The following STK32B variants were observed in gnomAD, a reference collection of about 807,000 sequenced individuals.
STK32B encodes serine/threonine kinase 32B, also known as serine/threonine-protein kinase 32B.
A neutral mutation model predicts 52.6 loss-of-function variants in STK32B; 43 were observed. The ratio of observed to expected loss-of-function variants is 0.82; its 90% CI spans 0.64 to 1.05. The LOEUF (loss-of-function observed/expected upper bound fraction) is 1.05, where lower values mean the gene tolerates loss of function less well. STK32B is among the 50% of genes least tolerant of loss of function. STK32B has a pLI of 0.00. For synonymous variants in STK32B, 238 were observed against 204.3 expected (o/e 1.17, Z -1.41); for missense variants, 621 against 534.6 (o/e 1.16, Z -1.59).
chr4:5,292,105 C>T (rs78584414), intron 3 of STK32B, among the ~76,000 whole-genome samples: 4,144 of 152,194 alleles, frequency 0.027, 176 homozygotes, highest in African/African-American at 0.093. Flanking sequence ...AATAAAAACA[C>T]GAGTGCAGCG....
At chr4:5,275,934 A>T (rs1727791492) in intron 3 of STK32B, among the ~76,000 whole-genome samples, 1 of 152,118 alleles carries the variant, frequency 6.6e-6, no homozygotes. Context: ...CTACTAGTAG[A>T]GACCCCAAGT....
chr4:5,122,461 A>G (rs13147772), intron 1 of STK32B, among the ~76,000 whole-genome samples: 29,665 of 151,736 alleles, frequency 0.2, 3,063 homozygotes, highest in East Asian at 0.28. Flanking sequence ...TTATCCATTC[A>G]GTTGTTAACT....
intron 6 of STK32B, among the ~76,000 whole-genome samples, chr4:5,441,660 T>C (rs1374181940): frequency 6.6e-6 from 1 of 152,166 alleles, no homozygotes; most frequent in Non-Finnish European, 1.5e-5. Context: ...TGAATGTGTT[T>C]GCTCTTGCTT....
intron 3 of STK32B, among the ~76,000 whole-genome samples, chr4:5,297,099 A>T (rs1435461187): frequency 6.6e-6 from 1 of 152,138 alleles, no homozygotes; most frequent in African/African-American, 2.4e-5. Flanking sequence ...AATGTTGAAT[A>T]TTGGCCCCAC....
At chr4:5,123,278 A>G (rs962474514) in intron 1 of STK32B, among the ~76,000 whole-genome samples, 1 of 151,690 alleles carries the variant, frequency 6.6e-6, no homozygotes, top group African/African-American at 2.4e-5. Context: ...CCATTTCTTC[A>G]CTGCCTGGAT....
chr4:5,181,956 T>C (rs534930310), intron 3 of STK32B, among the ~76,000 whole-genome samples: 1 of 152,104 alleles, frequency 6.6e-6, no homozygotes, highest in Non-Finnish European at 1.5e-5. Flanking sequence ...GTGGTAGAAC[T>C]TCTTTCAGAA....
At chr4:5,299,778 G>A (rs1481197652) in intron 3 of STK32B, among the ~76,000 whole-genome samples, 1 of 152,062 alleles carries the variant, frequency 6.6e-6, no homozygotes, top group Non-Finnish European at 1.5e-5. Flanking sequence ...ACCATGTTAT[G>A]AAATTGGATC....
rs191880629 is a variant in STK32B at position 5,368,111 on chromosome 4, T to C, written c.435-30096T>C. 2.0e-5 allele frequency among the ~76,000 whole-genome samples: 3 copies of C among 152,124 alleles called. No individual in the cohort carries two copies. In the East Asian group the frequency reaches 6.0e-4, roughly 30 times the overall value. On this transcript the variant is annotated intron_variant, in intron 4 of 11. Coordinates refer to ENST00000282908, the MANE Select transcript of STK32B (RefSeq NM_018401.3). ...AAAGAGGGGAGAGATGGAAAGGAAA[T>C]GGAAAGCAAAACCCATGTTCGTCCT...
At chr4:5,044,783 C>T in the STK32B span, among the ~76,000 whole-genome samples, 1 of 152,086 alleles carries the variant, frequency 6.6e-6, no homozygotes, top group Non-Finnish European at 1.5e-5. Context: ...TGGTGGTACA[C>T]ACCTGTGGTA....
At chr4:5,236,897 A>C (rs1724676942) in intron 3 of STK32B, among the ~76,000 whole-genome samples, 1 of 152,226 alleles carries the variant, frequency 6.6e-6, no homozygotes, top group Non-Finnish European at 1.5e-5. Context: ...TTACACCCAA[A>C]TGTAGAATTA....
At chr4:5,065,178 A>C (rs1208510809) in intron 1 of STK32B, among the ~76,000 whole-genome samples, 2 of 152,154 alleles carry the variant, frequency 1.3e-5, no homozygotes, top group Non-Finnish European at 2.9e-5. Flanking sequence ...CCCAGAACCT[A>C]CACCAGTTTT....
chr4:5,150,775 T>G (rs1043555254), intron 2 of STK32B, among the ~76,000 whole-genome samples: 1 of 152,188 alleles, frequency 6.6e-6, no homozygotes, highest in Non-Finnish European at 1.5e-5. Flanking sequence ...GAAAGAGTTG[T>G]AGCCCAGTGA....
At chr4:5,484,953 G>T (rs553416265) in intron 11 of STK32B, among the ~76,000 whole-genome samples, 2 of 152,170 alleles carry the variant, frequency 1.3e-5, no homozygotes, top group Non-Finnish European at 2.9e-5. Context: ...TCTGCCTAGC[G>T]ATCAGCTGTT....
intron 11 of STK32B, among the ~76,000 whole-genome samples, chr4:5,475,544 C>T (rs898292059): frequency 1.4e-5 from 2 of 148,006 alleles, no homozygotes; most frequent in East Asian, 2.0e-4. Context: ...ACTAAAAATA[C>T]AAAAATTAGG....
rs111458293 is a variant in STK32B at position 5,497,709 on chromosome 4, C to T, written c.1107-1236C>T. ...GCAAACACTAGGCATTCCCACTGTGCGCACACACACACACTCATACACACA... is the reference window on the plus strand; with the variant it reads ...GCAAACACTAGGCATTCCCACTGTGTGCACACACACACACTCATACACACA... On this transcript the variant is annotated intron_variant, in intron 11 of 11. Transcript: ENST00000282908. Among the ~76,000 whole-genome samples, 6 of 104,332 alleles carry T rather than the reference C, an allele frequency of 5.8e-5. No homozygotes were observed. In the South Asian group the frequency reaches 1.0e-3, roughly 17 times the overall value. The allele number at this position is 104,332 out of a possible 152,430, so 68.4% of individuals were successfully genotyped here.
At chr4:5,194,554 G>A (rs1721492235) in intron 3 of STK32B, among the ~76,000 whole-genome samples, 1 of 152,190 alleles carries the variant, frequency 6.6e-6, no homozygotes, top group Non-Finnish European at 1.5e-5. Flanking sequence ...ATTGAAAGAT[G>A]AACTTCAATG....
At chr4:5,496,285 G>C (rs1422722580) in intron 11 of STK32B, among the ~76,000 whole-genome samples, 2 of 152,224 alleles carry the variant, frequency 1.3e-5, no homozygotes, top group African/African-American at 4.8e-5. Flanking sequence ...GGCAATGGCG[G>C]GCGCCCCTCC....
chr4:5,024,385 C>G, the STK32B span, among the ~76,000 whole-genome samples: 17 of 152,322 alleles, frequency 1.1e-4, 1 homozygote, highest in South Asian at 3.5e-3. Context: ...TTTGCACTTC[C>G]TGAAAGCCTA....
chr4:5,246,932 A>G (rs1725496767), intron 3 of STK32B, among the ~76,000 whole-genome samples: 1 of 152,062 alleles, frequency 6.6e-6, no homozygotes, highest in South Asian at 2.1e-4. Flanking sequence ...ATTCCTCTGG[A>G]AGTTTTGTCT....
Sources: allele counts gnomAD v4.1 joint callset (sites outside exome capture counted in the v4.1 genomes callset), GRCh38; gene constraint gnomAD v4.1.1; transcripts MANE v1.5; gene names NCBI Gene and HGNC (gene_info 2026-07-23, HGNC 2026-07-21).